Variants in IQGAP2 observed in about 807,000 individuals in gnomAD.
IQGAP2 encodes the protein IQ motif containing GTPase activating protein 2.
A neutral mutation model predicts 201.3 loss-of-function variants in IQGAP2; 173 were observed. The ratio of observed to expected loss-of-function variants is 0.86; its 90% CI spans 0.76 to 0.98. IQGAP2 has a LOEUF of 0.98. Among genes scored for constraint, IQGAP2 ranks in the 50% least tolerant of loss-of-function variants. IQGAP2 has a pLI of 0.00. For missense variants in IQGAP2, 1,687 were observed against 1,864.8 expected (o/e 0.90, Z 1.76); for synonymous variants, 675 against 673.9 (o/e 1.00, Z -0.03).
chr5:76,639,199 G>C (rs1373521444), intron 16 of IQGAP2, among the ~76,000 whole-genome samples: 2 of 152,204 alleles, frequency 1.3e-5, no homozygotes, highest in East Asian at 3.8e-4. Flanking sequence ...TTTTCTAAGT[G>C]AGGAAATTGG....
intron 2 of IQGAP2, among the ~76,000 whole-genome samples, chr5:76,482,040 A>G (rs1284780272): frequency 1.3e-5 from 2 of 152,242 alleles, no homozygotes; most frequent in Admixed American, 1.3e-4. Context: ...TTTTCTTCCC[A>G]TATTCACATT....
At chr5:76,443,348 G>T (rs2150106820) in intron 1 of IQGAP2, among the ~76,000 whole-genome samples, 1 of 152,168 alleles carries the variant, frequency 6.6e-6, no homozygotes, top group South Asian at 2.1e-4. Flanking sequence ...GTATGTGAGA[G>T]GATGGCATGC....
Position 76,640,919 on chromosome 5 carries a change from A to G in IQGAP2, c.1924-14A>G, listed in dbSNP as rs1295541486. The G allele has an allele frequency of 2.6e-6, 4 of 1,562,076 alleles. No homozygotes were observed. Among genetic ancestry groups the G allele is most frequent in the Non-Finnish European group, 3.5e-6 (4 of 1,142,312 alleles). ...GATGTGTGAAGTGTAACCATAAGAA[A>G]TATCTCTTGCCAGGACATTATTGAG... On this transcript the variant is annotated splice_polypyrimidine_tract_variant and intron_variant, in intron 16 of 35. Coordinates refer to ENST00000274364, the MANE Select transcript of IQGAP2 (RefSeq NM_006633.5).
At chr5:76,619,666 G>A (rs1314699231) in intron 13 of IQGAP2, among the ~76,000 whole-genome samples, 1 of 151,888 alleles carries the variant, frequency 6.6e-6, no homozygotes, top group Admixed American at 6.6e-5. Context: ...ACAAGCGCCC[G>A]CCACCAGGCC....
chr5:76,490,798 A>G (rs1422263170), intron 2 of IQGAP2, among the ~76,000 whole-genome samples: 1 of 152,168 alleles, frequency 6.6e-6, no homozygotes, highest in Admixed American at 6.5e-5. Context: ...AAAAAAAAAT[A>G]CTATGGAATC....
At chr5:76,577,602 C>T (rs1225107324) in intron 5 of IQGAP2, among the ~76,000 whole-genome samples, 2 of 152,092 alleles carry the variant, frequency 1.3e-5, no homozygotes, top group East Asian at 1.9e-4. Context: ...ACTATGGAGC[C>T]GAGAAGTCCC....
chr5:76,610,070 CTCTCTCTATATATATATATA>C (rs1748170559), intron 12 of IQGAP2, among the ~76,000 whole-genome samples: 2 of 4,560 alleles, frequency 4.4e-4, no homozygotes, highest in Non-Finnish European at 1.2e-3. Context: ...CTCTCTCTCT[CTCTCTCTATATATATATATA>C]TATATATATA....
At chr5:76,589,023 C>CCAAT in intron 6 of IQGAP2, 50 bp downstream of exon 6, 1 of 1,321,002 alleles carries the variant, frequency 7.6e-7, no homozygotes, top group Non-Finnish European at 1.1e-6. Context: ...ATAAAAAGTA[C>CCAAT]CAATACCTGG....
intron 23 of IQGAP2, among the ~76,000 whole-genome samples, chr5:76,670,417 G>C (rs1744204488): frequency 6.6e-6 from 1 of 152,198 alleles, no homozygotes. Flanking sequence ...AGGAGGCTGA[G>C]ACGGGAGAAT....
rs142751687 is a variant in IQGAP2 at position 76,576,146 on chromosome 5, G to A, written c.458+377G>A. Among the ~76,000 whole-genome samples, 129 of 152,238 alleles carry A rather than the reference G, an allele frequency of 8.5e-4. 1 individual carries two copies. The highest frequency in any genetic ancestry group is 2.9e-3 in the African/African-American group (121 of 41,546). ...ATATATCAAATGAGCAACTTTAATA[G>A]TCATAATTTTGGTTTAATGAGTTAA... On this transcript the variant is annotated intron_variant, in intron 5 of 35. Coordinates refer to ENST00000274364, the MANE Select transcript of IQGAP2 (RefSeq NM_006633.5).
chr5:76,675,608 A>T (rs1318682581), intron 27 of IQGAP2, among the ~76,000 whole-genome samples: 1 of 152,182 alleles, frequency 6.6e-6, no homozygotes, highest in Non-Finnish European at 1.5e-5. Context: ...TCCTCTTGTC[A>T]TGTTTGTTCT....
chr5:76,555,793 C>T (rs1201368115), intron 2 of IQGAP2, among the ~76,000 whole-genome samples: 1 of 152,190 alleles, frequency 6.6e-6, no homozygotes, highest in African/African-American at 2.4e-5. Context: ...CTTCTACCTT[C>T]TCCAGCCAGC....
intron 2 of IQGAP2, among the ~76,000 whole-genome samples, chr5:76,543,525 A>C (rs4703712): frequency 0.18 from 27,379 of 152,100 alleles, 2,719 homozygotes; most frequent in Admixed American, 0.28. Flanking sequence ...TTTGCCCAGG[A>C]GATGGAGCTG....
chr5:76,661,217 T>C (rs1743221521), intron 21 of IQGAP2, among the ~76,000 whole-genome samples: 1 of 66,460 alleles, frequency 1.5e-5, no homozygotes, highest in South Asian at 3.0e-4. Context: ...AACCTTAACA[T>C]TTTTTATAGT....
chr5:76,628,871 A>G, intron 14 of IQGAP2: 1 of 322,976 alleles, frequency 3.1e-6, no homozygotes, highest in Non-Finnish European at 6.0e-6. Context: ...ATTTCAACTT[A>G]AATATAAAAC....
At chr5:76,576,176 A>G (rs971185251) in intron 5 of IQGAP2, among the ~76,000 whole-genome samples, 3 of 150,080 alleles carry the variant, frequency 2.0e-5, no homozygotes, top group Admixed American at 6.7e-5. Context: ...AGTTAAAATT[A>G]TAATTTAGTT....
rs777974408 is a variant in IQGAP2, at chr5:76,588,973, G to A, written c.526G>A (p.Glu176Lys). ...TTTGTTGGGCAAAGTAGACTTCACAGGTACTACTCTTTATCTTTGTAATTT... is the reference window on the plus strand; with the variant it reads ...TTTGTTGGGCAAAGTAGACTTCACAAGTACTACTCTTTATCTTTGTAATTT... The part of the protein sequence containing the change: ...QDLLGKVDFT[E>K]EEISNMRKEL... The change falls in exon 6 of 36, where the codon GAG becomes AAG. Residue 176 changes from glutamate to lysine, a missense_variant and splice_region_variant. Coordinates refer to ENST00000274364, the MANE Select transcript of IQGAP2 (RefSeq NM_006633.5). 6.3e-7 allele frequency: 1 copy of A among 1,589,842 alleles called. No homozygotes were observed. Among genetic ancestry groups the A allele is most frequent in the Non-Finnish European group, 8.6e-7 (1 of 1,158,992 alleles).
chr5:76,548,057 T>C (rs2150228895), intron 2 of IQGAP2, among the ~76,000 whole-genome samples: 1 of 152,344 alleles, frequency 6.6e-6, no homozygotes, highest in South Asian at 2.1e-4. Context: ...CAATTGTTTC[T>C]TGAGGACCTG....
chr5:76,642,603 G>C (rs896863903), intron 17 of IQGAP2, among the ~76,000 whole-genome samples: 4 of 152,248 alleles, frequency 2.6e-5, no homozygotes, highest in African/African-American at 9.6e-5. Context: ...TGAACCAAAA[G>C]GTGTCATGCT....
Sources: gnomAD v4.1 joint callset for allele counts (sites outside exome capture counted in the v4.1 genomes callset) on GRCh38, gnomAD v4.1.1 for gene constraint, MANE v1.5 for transcripts, NCBI Gene and HGNC (gene_info 2026-07-23, HGNC 2026-07-21) for gene names.